The following MAP6 variants were observed in gnomAD, a reference collection of about 807,000 sequenced individuals.
The protein encoded by MAP6 is microtubule-associated protein 6.
In MAP6, 26 loss-of-function variants were observed where a neutral mutation model predicts 42.4. That is an observed-to-expected ratio of 0.61 (90% CI 0.45 to 0.85). MAP6 has a LOEUF of 0.85. MAP6 is among the 40% of genes least tolerant of loss of function. The pLI, the probability that MAP6 is intolerant of heterozygous loss-of-function variation, is 0.00. For synonymous variants in MAP6, 418 were observed against 443.8 expected (o/e 0.94, Z 0.73); for missense variants, 966 against 1,099.0 (o/e 0.88, Z 1.71).
At chr11:75,646,964 T>C (rs1408786986) in intron 1 of MAP6, among the ~76,000 whole-genome samples, 5 of 147,284 alleles carry the variant, frequency 3.4e-5, no homozygotes, top group African/African-American at 7.7e-5. Flanking sequence ...TTGGGAGCAG[T>C]AGAGCTTGAT....
chr11:75,599,605 G>A (rs567999497), intron 3 of MAP6, among the ~76,000 whole-genome samples: 7 of 152,144 alleles, frequency 4.6e-5, no homozygotes, highest in East Asian at 1.9e-4. Context: ...GTTTGTATCC[G>A]GGTCCCAAGA....
chr11:75,611,892 C>A (rs899843754), intron 1 of MAP6, among the ~76,000 whole-genome samples: 6 of 152,246 alleles, frequency 3.9e-5, no homozygotes, highest in African/African-American at 1.4e-4. Flanking sequence ...GGCAATGCAA[C>A]CAGCAAATAG....
At chr11:75,637,346 G>T (rs1943386014) in intron 1 of MAP6, among the ~76,000 whole-genome samples, 1 of 152,184 alleles carries the variant, frequency 6.6e-6, no homozygotes, top group African/African-American at 2.4e-5. Context: ...AGTTGAAAAA[G>T]ATACAGTCCC....
intron 3 of MAP6, among the ~76,000 whole-genome samples, chr11:75,593,861 C>T (rs1942526480): frequency 6.6e-6 from 1 of 152,200 alleles, no homozygotes; most frequent in African/African-American, 2.4e-5. Flanking sequence ...GGGCTTGAGG[C>T]CCAGAGAGCT....
intron 1 of MAP6, among the ~76,000 whole-genome samples, chr11:75,657,363 G>A (rs1271919982): frequency 6.6e-6 from 1 of 152,082 alleles, no homozygotes; most frequent in Non-Finnish European, 1.5e-5. Flanking sequence ...CGCCCGCCTT[G>A]GTGTCCCAAA....
Position 75,667,628 on chromosome 11 carries a change from C to G in MAP6, c.742G>C (p.Val248Leu). 1.6e-6 allele frequency: 2 copies of G among 1,282,202 alleles called. No individual in the cohort carries two copies. The highest frequency in any genetic ancestry group is 2.0e-6 in the Non-Finnish European group (2 of 1,021,446). The allele number at this position is 1,282,202 out of a possible 1,614,324, so 79.4% of individuals were successfully genotyped here. A position where few individuals can be genotyped will look rare whatever the true frequency, so the allele number is the denominator to read the frequency against. ...TGCCCCAGGCCCTCGGCGCGGCGCA[C>G]AATCCAGGCAGGCCCGGCCTTCCTG... ...TRRKAGPAWI[V>L]RRAEGLGHEQ... is the part of the protein sequence containing the mutation. Residue 248 changes from valine to leucine, a missense_variant, in exon 1 of 4, where the codon GTG becomes CTG. Val to Leu is a conservative substitution (Grantham distance 32). Around this residue, in one of 2 missense-constraint regions of MAP6, gnomAD observed 943 missense variants for 1,049.9 expected, o/e 0.90. Coordinates refer to ENST00000304771, the MANE Select transcript of MAP6 (RefSeq NM_033063.2). The surrounding 1 kb of genome is among the most constrained non-coding windows in gnomAD (Gnocchi z 5.6).
At chr11:75,603,042 T>C in intron 3 of MAP6, 1 of 985,710 alleles carries the variant, frequency 1.0e-6, no homozygotes, top group Non-Finnish European at 1.2e-6. Flanking sequence ...ACATAGACAA[T>C]CTGTGGTATG....
intron 1 of MAP6, among the ~76,000 whole-genome samples, chr11:75,663,393 C>A (rs1590813946): frequency 6.6e-6 from 1 of 152,038 alleles, no homozygotes; most frequent in Non-Finnish European, 1.5e-5. Context: ...GCTTGGTGAT[C>A]ATTTTCTGAA....
intron 1 of MAP6, among the ~76,000 whole-genome samples, chr11:75,659,387 C>A (rs1277865493): frequency 6.6e-6 from 1 of 152,158 alleles, no homozygotes; most frequent in East Asian, 1.9e-4. Context: ...AAGGCTGAGG[C>A]AGGAGAATCG....
At position 75,621,315 on chromosome 11, in the gene MAP6, A is replaced by T. The variant is rs527985153; in HGVS notation, c.906-12993T>A. Reference sequence around the variant, plus strand: ...ACATAATGAAACCCTATCTTTACTTAAAAAAAAAGAAAGAAAGAAAGAAAA... The same window carrying T: ...ACATAATGAAACCCTATCTTTACTTTAAAAAAAAGAAAGAAAGAAAGAAAA... On this transcript the variant is annotated intron_variant, in intron 1 of 3. Coordinates refer to ENST00000304771, the MANE Select transcript of MAP6 (RefSeq NM_033063.2). Among the ~76,000 whole-genome samples the T allele has an allele frequency of 2.6e-3, 399 of 151,320 alleles. 2 individuals are homozygous for T. The highest frequency in any genetic ancestry group is 9.4e-3 in the African/African-American group (387 of 41,278).
At chr11:75,594,098 C>T (rs962670996) in intron 3 of MAP6, 1 of 152,254 alleles carries the variant, frequency 6.6e-6, no homozygotes, top group Non-Finnish European at 1.5e-5. Flanking sequence ...TCTTGCTCCA[C>T]AGATGGAAAC....
chr11:75,617,755 T>C (rs1320294870), intron 1 of MAP6, among the ~76,000 whole-genome samples: 3 of 151,954 alleles, frequency 2.0e-5, no homozygotes, highest in East Asian at 1.9e-4. Context: ...TGAGAAGTGA[T>C]AGGTTGTAAG....
Position 75,608,263 on chromosome 11 carries a change from T to C in MAP6, c.965A>G (p.Gln322Arg). 2 of 1,614,240 alleles carry C rather than the reference T, an allele frequency of 1.2e-6. No individual in the cohort carries two copies. The highest frequency in any genetic ancestry group is 1.1e-5 in the South Asian group (1 of 91,082). ...KPVKPIKAKP[Q>R]YKPPDDKMVH... Reference sequence around the variant, plus strand: ...CATCTTATCATCTGGGGGCTTGTACTGGGGCTTGGCCTTTATTGGTTTCAC... The same window carrying C: ...CATCTTATCATCTGGGGGCTTGTACCGGGGCTTGGCCTTTATTGGTTTCAC... The change falls in exon 2 of 4, where the codon CAG (glutamine) becomes CGG (arginine). Residue 322 changes from glutamine to arginine, a missense_variant. Physicochemically the swap from Gln to Arg is conservative, Grantham distance 43 (BLOSUM62 1). This residue lies in a region of MAP6 where 943 missense variants were observed against 1,049.9 expected (regional missense o/e 0.90). Coordinates refer to ENST00000304771, the MANE Select transcript of MAP6 (RefSeq NM_033063.2).
chr11:75,597,853 A>G (rs895127096), intron 3 of MAP6, among the ~76,000 whole-genome samples: 84 of 152,326 alleles, frequency 5.5e-4, no homozygotes, highest in African/African-American at 1.9e-3. Flanking sequence ...ATCTCAGGCC[A>G]TTGTGTGGCA....
At chr11:75,663,012 A>G (rs1275075273) in intron 1 of MAP6, among the ~76,000 whole-genome samples, 1 of 146,508 alleles carries the variant, frequency 6.8e-6, no homozygotes, top group Non-Finnish European at 1.5e-5. Context: ...CCCAGGCTGG[A>G]GGACAGTGGC....
intron 3 of MAP6, 57 bp downstream of exon 3, chr11:75,605,751 A>G: frequency 6.4e-7 from 1 of 1,573,952 alleles, no homozygotes; most frequent in South Asian, 1.2e-5. Context: ...TTAAAAAAAA[A>G]AAGTTGGGGG....
chr11:75,590,748 C>CT (rs1422905803), intron 3 of MAP6, among the ~76,000 whole-genome samples: 5 of 152,134 alleles, frequency 3.3e-5, no homozygotes, highest in African/African-American at 1.2e-4. Flanking sequence ...GGGCAGATCA[C>CT]TTGTGGTCAG....
At chr11:75,590,739 G>C (rs1942462399) in intron 3 of MAP6, among the ~76,000 whole-genome samples, 1 of 152,094 alleles carries the variant, frequency 6.6e-6, no homozygotes, top group Admixed American at 6.6e-5. Flanking sequence ...GGCCGAGGCG[G>C]GCAGATCACT....
rs965362463 is a variant in MAP6, at chr11:75,668,413, T to TA, written c.-45dup. On this transcript the variant is annotated 5_prime_UTR_variant, in exon 1 of 4. Coordinates refer to ENST00000304771, the MANE Select transcript of MAP6 (RefSeq NM_033063.2). ...GGCCTCCTCTTTCTTCTTGTGGTTC[T>TA]AAAGCAAGTCTCTATAATCTTCCTT... 6.4e-7 allele frequency: 1 copy of TA among 1,553,788 alleles called. No homozygotes were observed. The highest frequency in any genetic ancestry group is 1.4e-5 in the African/African-American group (1 of 71,484).
Sources: allele counts gnomAD v4.1 joint callset (sites outside exome capture counted in the v4.1 genomes callset), GRCh38; gene constraint gnomAD v4.1.1; regional missense constraint gnomAD v4.1.1; non-coding constraint Gnocchi (gnomAD v3.1); transcripts MANE v1.5; gene names NCBI Gene and HGNC (gene_info 2026-07-23, HGNC 2026-07-21).